IL19: variants seen among roughly 807,000 people sequenced by gnomAD.
The protein encoded by IL19 is interleukin-19.
In IL19, 15 loss-of-function variants were observed where a neutral mutation model predicts 19.5. The ratio of observed to expected loss-of-function variants is 0.77; its 90% CI spans 0.52 to 1.19. IL19 has a LOEUF of 1.19. Ranked by LOEUF, IL19 falls within the 50% of genes most tolerant of loss-of-function variation. The probability of loss-of-function intolerance (pLI) is 0.00; values close to 1 mark genes in which losing one functional copy is unlikely to be tolerated. For synonymous variants in IL19, 78 were observed against 78.3 expected, an observed-to-expected ratio of 1.00 and a Z score of 0.02; for missense variants, 199 against 213.1, an observed-to-expected ratio of 0.93 and a Z score of 0.41.
chr1:206,802,676 T>C (rs1026476195), intron 2 of IL19, among the ~76,000 whole-genome samples: 26 of 151,698 alleles, frequency 1.7e-4, no homozygotes, highest in African/African-American at 6.3e-4. Context: ...ATTTTTTTTT[T>C]CTTTTTTTTT....
At chr1:206,778,255 C>G (rs1181953162) in intron 1 of IL19, among the ~76,000 whole-genome samples, 2 of 152,194 alleles carry the variant, frequency 1.3e-5, no homozygotes, top group African/African-American at 4.8e-5. Context: ...CCAAATCAGG[C>G]AATTTGGATT....
Position 206,789,796 on chromosome 1 carries a change from G to A in IL19, c.-148-9065G>A, listed in dbSNP as rs138034238. On this transcript the variant is annotated intron_variant, in intron 1 of 6. Transcript: ENST00000659997. Reference sequence around the variant, plus strand: ...TATGTGTCCATGTGTTCTCATCAATGAGCTCCGACTTACAAGTGAGAACAT... The same window carrying A: ...TATGTGTCCATGTGTTCTCATCAATAAGCTCCGACTTACAAGTGAGAACAT... Among the ~76,000 whole-genome samples, 367 of 152,202 alleles carry A rather than the reference G, an allele frequency of 2.4e-3. 2 individuals are homozygous for A. Among genetic ancestry groups the A allele is most frequent in the African/African-American group, 8.6e-3 (359 of 41,518 alleles).
intron 2 of IL19, among the ~76,000 whole-genome samples, chr1:206,830,777 CCACAT>C (rs1676579583): frequency 2.6e-5 from 4 of 152,174 alleles, no homozygotes; most frequent in African/African-American, 9.7e-5. Flanking sequence ...CGGGGTTTCA[CCACAT>C]TGGCTAGGAT....
At chr1:206,783,449 G>C (rs1675193300) in intron 1 of IL19, among the ~76,000 whole-genome samples, 1 of 152,132 alleles carries the variant, frequency 6.6e-6, no homozygotes, top group African/African-American at 2.4e-5. Context: ...CTTGGCTTTT[G>C]GGTGATCTGA....
intron 1 of IL19, among the ~76,000 whole-genome samples, chr1:206,778,576 G>T (rs1423895719): frequency 6.6e-6 from 1 of 152,090 alleles, no homozygotes; most frequent in East Asian, 1.9e-4. Context: ...AGTCACACAG[G>T]GTCCCATGAC....
chr1:206,797,205 C>G (rs1675545897), intron 1 of IL19, among the ~76,000 whole-genome samples: 1 of 152,160 alleles, frequency 6.6e-6, no homozygotes, highest in African/African-American at 2.4e-5. Flanking sequence ...ACAATCATTG[C>G]CAAACCTGTT....
intron 2 of IL19, 95 bp downstream of exon 2, chr1:206,799,101 T>G (rs1675607601): frequency 1.2e-6 from 1 of 849,264 alleles, no homozygotes; most frequent in Non-Finnish European, 2.0e-6. Context: ...GACTGGGTTT[T>G]CAGACACCTA....
In IL19 at chr1:206,842,648, A is replaced by G; in HGVS notation, c.*26A>G. 2.2e-6 allele frequency: 3 copies of G among 1,347,228 alleles called. No individual in the cohort carries two copies. Among genetic ancestry groups the G allele is most frequent in the South Asian group, 1.3e-5 (1 of 79,816 alleles). 83.5% of individuals were successfully genotyped at this position (1,347,228 alleles called of 1,614,324 possible). On this transcript the variant is annotated 3_prime_UTR_variant, in exon 7 of 7. Transcript: ENST00000659997. Reference sequence around the variant, plus strand: ...TGACAAGGAACCTGTATAGTGATCCAGGGATGAACACCCCCTGTGCGGTTT... The same window carrying G: ...TGACAAGGAACCTGTATAGTGATCCGGGGATGAACACCCCCTGTGCGGTTT...
At chr1:206,790,706 C>T (rs1279992200) in intron 1 of IL19, among the ~76,000 whole-genome samples, 2 of 152,140 alleles carry the variant, frequency 1.3e-5, no homozygotes, top group Admixed American at 6.5e-5. Context: ...CGAACTTGTC[C>T]GGGCCTCTGA....
At chr1:206,812,862 T>C (rs972916108) in intron 2 of IL19, among the ~76,000 whole-genome samples, 3 of 152,180 alleles carry the variant, frequency 2.0e-5, no homozygotes, top group Non-Finnish European at 2.9e-5. Context: ...TTTATACAGG[T>C]TTTGTTGGAA....
At chr1:206,795,131 C>T (rs933087160) in intron 1 of IL19, among the ~76,000 whole-genome samples, 2 of 152,216 alleles carry the variant, frequency 1.3e-5, no homozygotes, top group African/African-American at 4.8e-5. Flanking sequence ...GATCCAGACA[C>T]AAGGGCCAGC....
rs140042553 is a variant in IL19 at position 206,834,628 on chromosome 1, G to A, written c.-2-2033G>A. Reference sequence around the variant, plus strand: ...AGTGGGAAAGAAGGAGTGAAGGAAGGAAAGGTCAAGGATTTAATGTCTTTA... The same window carrying A: ...AGTGGGAAAGAAGGAGTGAAGGAAGAAAAGGTCAAGGATTTAATGTCTTTA... On this transcript the variant is annotated intron_variant, in intron 2 of 6. Transcript: ENST00000659997. 3.1e-3 allele frequency among the ~76,000 whole-genome samples: 475 copies of A among 152,334 alleles called. 1 individual carries two copies. Among genetic ancestry groups the A allele is most frequent in the African/African-American group, 9.8e-3 (408 of 41,572 alleles).
At chr1:206,771,263 G>A in intron 1 of IL19, 185 bp downstream of exon 1, 1 of 1,299,840 alleles carries the variant, frequency 7.7e-7, no homozygotes, top group South Asian at 1.2e-5. Context: ...TCAAAGCGAA[G>A]GAAACAAACC....
intron 2 of IL19, among the ~76,000 whole-genome samples, chr1:206,806,031 C>T (rs1675836097): frequency 6.6e-6 from 1 of 152,180 alleles, no homozygotes; most frequent in South Asian, 2.1e-4. Flanking sequence ...CTCACATTCT[C>T]CCAGTTTACC....
intron 1 of IL19, among the ~76,000 whole-genome samples, chr1:206,788,267 C>T (rs1386303070): frequency 1.3e-5 from 2 of 152,190 alleles, no homozygotes; most frequent in Non-Finnish European, 2.9e-5. Context: ...TGTCCTGACC[C>T]AAGCCCTAGA....
chr1:206,772,111 C>T (rs1674867631), intron 1 of IL19, among the ~76,000 whole-genome samples: 1 of 152,210 alleles, frequency 6.6e-6, no homozygotes, highest in Non-Finnish European at 1.5e-5. Context: ...CTCACCAAAC[C>T]CATGGCTTGA....
At chr1:206,779,242 A>G (rs1675075746) in intron 1 of IL19, among the ~76,000 whole-genome samples, 1 of 152,176 alleles carries the variant, frequency 6.6e-6, no homozygotes, top group Non-Finnish European at 1.5e-5. Flanking sequence ...AAAATGCTAA[A>G]CCATCACAGC....
At chr1:206,778,399 A>G (rs1414940954) in intron 1 of IL19, among the ~76,000 whole-genome samples, 1 of 152,120 alleles carries the variant, frequency 6.6e-6, no homozygotes, top group Non-Finnish European at 1.5e-5. Flanking sequence ...CTGCATGACT[A>G]CCTAGGATAA....
At chr1:206,781,221 G>A (rs12123181) in intron 1 of IL19, among the ~76,000 whole-genome samples, 29,019 of 151,446 alleles carry the variant, frequency 0.19, 2,971 homozygotes, top group Middle Eastern at 0.22. Context: ...CGAGATGGGC[G>A]GATCACTAGG....
Sources: gnomAD v4.1 joint callset for allele counts (sites outside exome capture counted in the v4.1 genomes callset) on GRCh38, gnomAD v4.1.1 for gene constraint, MANE v1.5 for transcripts, NCBI Gene and HGNC (gene_info 2026-07-23, HGNC 2026-07-21) for gene names.